Variants in ANKS1B observed in about 807,000 individuals in gnomAD.
The protein encoded by ANKS1B is ankyrin repeat and sterile alpha motif domain containing 1B, also known as ankyrin repeat and sterile alpha motif domain-containing protein 1B.
A neutral mutation model predicts 148.3 loss-of-function variants in ANKS1B; 36 were observed. That is an observed-to-expected ratio of 0.24 (90% confidence interval 0.19 to 0.32). The LOEUF (loss-of-function observed/expected upper bound fraction) is 0.32, where lower values mean the gene tolerates loss of function less well. ANKS1B is among the 10% of genes least tolerant of loss of function. ANKS1B has a pLI of 1.00. For synonymous variants in ANKS1B, 542 were observed against 560.8 expected (o/e 0.97, Z 0.47); for missense variants, 1,157 against 1,542.6 (o/e 0.75, Z 4.19).
At chr12:99,154,556 G>C in intron 14 of ANKS1B, 161 bp from the exon 15 acceptor site, 2 of 1,551,256 alleles carry the variant, frequency 1.3e-6, no homozygotes, top group Non-Finnish European at 1.7e-6. Context: ...CTCAGCGAGA[G>C]AGCAAAGTCA....
intron 11 of ANKS1B, among the ~76,000 whole-genome samples, chr12:99,402,362 T>A (rs1397930693): frequency 6.8e-6 from 1 of 146,090 alleles, no homozygotes; most frequent in African/African-American, 2.6e-5. Flanking sequence ...TGCAGGTTTG[T>A]TACATAGGTA....
chr12:99,970,487 T>C (rs894280682), intron 1 of ANKS1B, among the ~76,000 whole-genome samples: 3 of 151,120 alleles, frequency 2.0e-5, no homozygotes, highest in Non-Finnish European at 4.4e-5. Flanking sequence ...AAGTTTTAAA[T>C]AGTCATGCTA....
At chr12:98,895,269 C>G in intron 17 of ANKS1B, 1 of 985,430 alleles carries the variant, frequency 1.0e-6, no homozygotes, top group Non-Finnish European at 1.2e-6. Context: ...CTGCTGGGCG[C>G]CCCTCGCATC....
At chr12:99,356,379 C>T (rs1454966448) in intron 12 of ANKS1B, among the ~76,000 whole-genome samples, 2 of 152,032 alleles carry the variant, frequency 1.3e-5, no homozygotes, top group African/African-American at 4.8e-5. Flanking sequence ...TGAAATTGTC[C>T]AAAGTGGGTG....
intron 17 of ANKS1B, among the ~76,000 whole-genome samples, chr12:98,854,759 C>G (rs140265424): frequency 6.6e-6 from 1 of 152,296 alleles, no homozygotes; most frequent in East Asian, 1.9e-4. Flanking sequence ...CATTGAGAAG[C>G]AGAATTAGGG....
chr12:99,231,878 A>G (rs1019067786), intron 14 of ANKS1B, among the ~76,000 whole-genome samples: 2 of 152,076 alleles, frequency 1.3e-5, no homozygotes, highest in African/African-American at 4.8e-5. Context: ...AGAAAGGGAC[A>G]TATTTAGGAG....
chr12:99,226,350 A>G (rs1439953331), intron 14 of ANKS1B, among the ~76,000 whole-genome samples: 1 of 152,196 alleles, frequency 6.6e-6, no homozygotes, highest in Non-Finnish European at 1.5e-5. Flanking sequence ...GGTATTATAC[A>G]ACATTTGCTT....
chr12:99,032,825 G>T (rs2099953099), intron 17 of ANKS1B, among the ~76,000 whole-genome samples: 1 of 152,062 alleles, frequency 6.6e-6, no homozygotes, highest in Non-Finnish European at 1.5e-5. Flanking sequence ...ATTTAAGGTT[G>T]TTTCAGGAAA....
At chr12:99,491,154 A>G (rs1004185306) in intron 10 of ANKS1B, among the ~76,000 whole-genome samples, 1 of 152,008 alleles carries the variant, frequency 6.6e-6, no homozygotes, top group African/African-American at 2.4e-5. Context: ...AAATACAAAA[A>G]ATTAGCTGGG....
intron 12 of ANKS1B, among the ~76,000 whole-genome samples, chr12:99,335,110 C>A (rs372041749): frequency 2.2e-4 from 33 of 152,170 alleles, no homozygotes; most frequent in African/African-American, 7.7e-4. Context: ...TTTTCCACTT[C>A]TAAGAGTTCT....
At chr12:98,890,167 C>T (rs74581370) in intron 17 of ANKS1B, among the ~76,000 whole-genome samples, 46 of 152,148 alleles carry the variant, frequency 3.0e-4, no homozygotes, top group Middle Eastern at 3.4e-3. Flanking sequence ...TTGTAAATAA[C>T]GCTGAAATTT....
chr12:98,806,267 A>G (rs2099050389), intron 20 of ANKS1B, among the ~76,000 whole-genome samples: 1 of 152,230 alleles, frequency 6.6e-6, no homozygotes, highest in South Asian at 2.1e-4. Context: ...ACATTAATAG[A>G]AAAGTATGGC....
chr12:99,570,706 A>G (rs915096141), intron 9 of ANKS1B, among the ~76,000 whole-genome samples: 3 of 151,958 alleles, frequency 2.0e-5, no homozygotes, highest in African/African-American at 7.2e-5. Flanking sequence ...ACATTGATGA[A>G]GCTGGGTGAC....
intron 17 of ANKS1B, among the ~76,000 whole-genome samples, chr12:98,926,556 G>T (rs777571640): frequency 5.3e-5 from 8 of 152,152 alleles, no homozygotes; most frequent in Non-Finnish European, 1.2e-4. Context: ...AACTGTCCAT[G>T]GATGTTGGAC....
chr12:99,689,598 C>T (rs1364546186), intron 8 of ANKS1B, among the ~76,000 whole-genome samples: 2 of 152,134 alleles, frequency 1.3e-5, no homozygotes, highest in Non-Finnish European at 2.9e-5. Context: ...GGGAGAGTAT[C>T]CTGGCTGAGC....
chr12:99,005,429 G>A (rs2099935582), intron 17 of ANKS1B, among the ~76,000 whole-genome samples: 1 of 152,162 alleles, frequency 6.6e-6, no homozygotes, highest in African/African-American at 2.4e-5. Context: ...AGAAAGCAAT[G>A]GAAAGTTGAC....
At chr12:99,478,254 A>G (rs977121096) in intron 10 of ANKS1B, among the ~76,000 whole-genome samples, 9 of 152,096 alleles carry the variant, frequency 5.9e-5, no homozygotes, top group African/African-American at 1.9e-4. Context: ...TCATGGTTAC[A>G]TGTTTTTGTA....
At chr12:99,237,014 G>A (rs1387554670) in intron 14 of ANKS1B, among the ~76,000 whole-genome samples, 2 of 152,248 alleles carry the variant, frequency 1.3e-5, no homozygotes, top group Non-Finnish European at 2.9e-5. Flanking sequence ...TAATACCTGG[G>A]TGATGAAATA....
intron 12 of ANKS1B, among the ~76,000 whole-genome samples, chr12:99,298,084 T>C (rs183663282): frequency 6.6e-6 from 1 of 152,340 alleles, no homozygotes; most frequent in East Asian, 1.9e-4. Flanking sequence ...ATACTCTGCC[T>C]GTATCTGTCA....
Sources: allele counts gnomAD v4.1 joint callset (sites outside exome capture counted in the v4.1 genomes callset), GRCh38; gene constraint gnomAD v4.1.1; transcripts MANE v1.5; gene names NCBI Gene and HGNC (gene_info 2026-07-23, HGNC 2026-07-21).